Variants in PTPRD observed in about 807,000 individuals in gnomAD.
PTPRD encodes the protein protein tyrosine phosphatase receptor type D.
A neutral mutation model predicts 214.5 loss-of-function variants in PTPRD; 34 were observed. The observed-to-expected ratio is 0.16, with a 90% CI of 0.12 to 0.21. The LOEUF (loss-of-function observed/expected upper bound fraction) is 0.21, where lower values mean the gene tolerates loss of function less well. PTPRD is among the 10% of genes least tolerant of loss of function. The pLI is 1.00. For synonymous variants in PTPRD, 1,128 were observed against 845.7 expected (o/e 1.33, Z -5.79); for missense variants, 2,545 against 2,398.7 (o/e 1.06, Z -1.27).
intron 8 of PTPRD, among the ~76,000 whole-genome samples, chr9:9,536,568 C>G (rs2076555733): frequency 6.6e-6 from 1 of 152,086 alleles, no homozygotes; most frequent in East Asian, 1.9e-4. Context: ...GATTATCAAA[C>G]TCACTGGGCT....
chr9:10,077,523 A>G (rs148685911), intron 3 of PTPRD, among the ~76,000 whole-genome samples: 292 of 152,268 alleles, frequency 1.9e-3, no homozygotes, highest in African/African-American at 6.6e-3. Context: ...GTTCAGAGGT[A>G]TATGTGCAGG....
chr9:10,594,855 T>C (rs747151632), intron 2 of PTPRD, among the ~76,000 whole-genome samples: 6 of 152,038 alleles, frequency 3.9e-5, no homozygotes, highest in Non-Finnish European at 8.8e-5. Flanking sequence ...TTTGTCACAA[T>C]ACCATATTAA....
chr9:8,763,133 T>C (rs1194189759), intron 11 of PTPRD, among the ~76,000 whole-genome samples: 1 of 152,150 alleles, frequency 6.6e-6, no homozygotes, highest in African/African-American at 2.4e-5. Context: ...TTCAAGCTAC[T>C]GAAGATCTCA....
chr9:9,177,506 G>A (rs2099925631), intron 10 of PTPRD, among the ~76,000 whole-genome samples: 2 of 152,040 alleles, frequency 1.3e-5, no homozygotes, highest in Non-Finnish European at 2.9e-5. Context: ...TGCATAATTA[G>A]AAAATATATT....
chr9:9,101,201 A>C (rs2099790869), intron 10 of PTPRD, among the ~76,000 whole-genome samples: 1 of 151,028 alleles, frequency 6.6e-6, no homozygotes, highest in Non-Finnish European at 1.5e-5. Flanking sequence ...ACAAACAAAC[A>C]AAAAAAAATG....
intron 3 of PTPRD, among the ~76,000 whole-genome samples, chr9:10,115,459 T>A (rs950930702): frequency 6.6e-6 from 1 of 152,076 alleles, no homozygotes; most frequent in Admixed American, 6.6e-5. Flanking sequence ...CTAGTTACAT[T>A]ATGAAATTTA....
intron 37 of PTPRD, among the ~76,000 whole-genome samples, chr9:8,387,750 T>C (rs1362923661): frequency 6.6e-6 from 1 of 152,166 alleles, no homozygotes; most frequent in East Asian, 1.9e-4. Context: ...AGTATACTCA[T>C]ATGTAAACTG....
chr9:9,405,681 G>A (rs1302065440), intron 8 of PTPRD, among the ~76,000 whole-genome samples: 1 of 152,010 alleles, frequency 6.6e-6, no homozygotes, highest in Non-Finnish European at 1.5e-5. Flanking sequence ...AATAAAGCAT[G>A]CTCTCTAGAA....
intron 11 of PTPRD, among the ~76,000 whole-genome samples, chr9:8,848,744 A>C (rs1383754297): frequency 1.3e-5 from 2 of 151,966 alleles, no homozygotes; most frequent in Non-Finnish European, 2.9e-5. Context: ...AAACAGATAA[A>C]AGTTGGGATG....
At position 10,341,280 on chromosome 9, in the gene PTPRD, G is replaced by A. The variant is rs1337657490; in HGVS notation, c.-599-263C>T. Among the ~76,000 whole-genome samples, 8 of 151,938 alleles carry A rather than the reference G, an allele frequency of 5.3e-5. No homozygotes were observed. In the East Asian group the frequency reaches 1.6e-3, roughly 29 times the overall value. On this transcript the variant is annotated intron_variant, in intron 2 of 45. Coordinates refer to ENST00000381196, the MANE Select transcript of PTPRD (RefSeq NM_002839.4). ...TACTCAGAAAGTACATACAAGAAATGCCAAACGCTAGGCCACTATAGTCAC... is the reference window on the plus strand; with the variant it reads ...TACTCAGAAAGTACATACAAGAAATACCAAACGCTAGGCCACTATAGTCAC...
chr9:8,608,087 A>G (rs1473863351), intron 14 of PTPRD, among the ~76,000 whole-genome samples: 1 of 151,766 alleles, frequency 6.6e-6, no homozygotes, highest in Non-Finnish European at 1.5e-5. Flanking sequence ...TCAATTCCGC[A>G]TATAGCTGAG....
chr9:10,238,095 A>T (rs555628794), intron 3 of PTPRD, among the ~76,000 whole-genome samples: 1 of 151,396 alleles, frequency 6.6e-6, no homozygotes, highest in East Asian at 2.0e-4. Flanking sequence ...GCCATTTTGT[A>T]TTACTTCACA....
chr9:8,644,907 C>A (rs2096654925), intron 12 of PTPRD, among the ~76,000 whole-genome samples: 1 of 152,158 alleles, frequency 6.6e-6, no homozygotes, highest in African/African-American at 2.4e-5. Context: ...GTGGGCAGAA[C>A]AAGACCAACG....
At chr9:8,732,233 C>T (rs2098667430) in intron 12 of PTPRD, among the ~76,000 whole-genome samples, 1 of 152,208 alleles carries the variant, frequency 6.6e-6, no homozygotes, top group Admixed American at 6.5e-5. Flanking sequence ...AAAGGCATCA[C>T]TCCTCAGTAG....
intron 36 of PTPRD, 40 bp downstream of exon 36, chr9:8,404,497 C>T (rs773418767): frequency 1.3e-6 from 2 of 1,585,908 alleles, no homozygotes; most frequent in Non-Finnish European, 1.7e-6. Flanking sequence ...TACTCAAATC[C>T]ATGAAAATAA....
intron 10 of PTPRD, among the ~76,000 whole-genome samples, chr9:9,019,700 C>T (rs2099555714): frequency 6.6e-6 from 1 of 152,146 alleles, no homozygotes; most frequent in Non-Finnish European, 1.5e-5. Context: ...AGTGACACTC[C>T]GTTTCAAAAC....
intron 33 of PTPRD, 23 bp from the exon 34 acceptor site, chr9:8,449,860 T>A (rs761341485): frequency 6.2e-7 from 1 of 1,606,680 alleles, no homozygotes; most frequent in Non-Finnish European, 8.5e-7. Context: ...AATAGAAATT[T>A]AAGAAGAAAA....
chr9:9,584,768 T>C (rs189824919), intron 7 of PTPRD, among the ~76,000 whole-genome samples: 1 of 152,032 alleles, frequency 6.6e-6, no homozygotes, highest in East Asian at 1.9e-4. Flanking sequence ...AATTTCTCAT[T>C]CTCCCCTTTA....
intron 11 of PTPRD, among the ~76,000 whole-genome samples, chr9:8,777,550 T>G (rs188235541): frequency 2.2e-3 from 330 of 152,338 alleles, no homozygotes; most frequent in Non-Finnish European, 4.1e-3. Context: ...GCTAGTGCAT[T>G]TGTTTTTTAA....
Sources: allele counts gnomAD v4.1 joint callset (sites outside exome capture counted in the v4.1 genomes callset), GRCh38; gene constraint gnomAD v4.1.1; transcripts MANE v1.5; gene names NCBI Gene and HGNC (gene_info 2026-07-23, HGNC 2026-07-21).